Variants in RELT observed in about 807,000 individuals in gnomAD.
The protein encoded by RELT is RELT TNF receptor.
Under a neutral mutation model 51.1 loss-of-function variants are expected in RELT, and 37 were observed. That is an observed-to-expected ratio of 0.72 (90% confidence interval 0.56 to 0.95). The LOEUF is 0.95. Ranked by LOEUF, RELT falls within the 40% of genes least tolerant of loss-of-function variation. RELT has a pLI of 0.00. For synonymous variants in RELT, 241 were observed against 235.7 expected (o/e 1.02, Z -0.21); for missense variants, 535 against 572.6 (o/e 0.93, Z 0.67).
Position 73,394,158 on chromosome 11 carries a change from G to T in RELT, c.707-78G>T. 1.5e-6 allele frequency: 2 copies of T among 1,331,806 alleles called. No homozygotes were observed. Among genetic ancestry groups the T allele is most frequent in the South Asian group, 1.3e-5 (1 of 78,952 alleles). The allele number at this position is 1,331,806 out of a possible 1,614,324, so 82.5% of individuals were successfully genotyped here. A position where few individuals can be genotyped will look rare whatever the true frequency, so the allele number is the denominator to read the frequency against. ...GAGTGGTGGTATGGAGGGTAGGTGG[G>T]GGGTTCTCTGCTGGGGCAGGGGGTG... On this transcript the variant is annotated intron_variant, in intron 7 of 10. Coordinates refer to ENST00000064780, the MANE Select transcript of RELT (RefSeq NM_152222.2). This position sits in a 1 kb window ranked among gnomAD's most constrained non-coding sequence, Gnocchi z 4.9.
In RELT at chr11:73,395,550, G is replaced by C. The variant is rs981371372; in HGVS notation, c.*59G>C. 1.3e-6 allele frequency: 1 copy of C among 780,012 alleles called. No homozygotes were observed. Among genetic ancestry groups the C allele is most frequent in the Admixed American group, 1.7e-5 (1 of 58,996 alleles). 48.3% of individuals were successfully genotyped at this position (780,012 alleles called of 1,614,324 possible). A position where few individuals can be genotyped will look rare whatever the true frequency, so the allele number is the denominator to read the frequency against. Reference sequence around the variant, plus strand: ...CCCTGGGAGGTTCCGAAGGCTTCCTGGAGGAGGTGGAGCTGCAGCTGGGAC... The same window carrying C: ...CCCTGGGAGGTTCCGAAGGCTTCCTCGAGGAGGTGGAGCTGCAGCTGGGAC... On this transcript the variant is annotated 3_prime_UTR_variant, in exon 11 of 11. Coordinates refer to ENST00000064780, the MANE Select transcript of RELT (RefSeq NM_152222.2).
rs763347100 is a variant in RELT at position 73,393,845 on chromosome 11, C to T, written c.634C>T (p.Pro212Ser). The stretch of plus-strand genomic sequence containing the variant: ...GCCCTTCTCTTCCCCAGGAATCAAC[C>T]CTGCCTACCGGACTGAGGATGCCAA... ...GPGGGGSGIN[P>S]AYRTEDANED... Residue 212 changes from proline (P) to serine (S), a missense_variant, in exon 7 of 11, where the codon CCT (proline) becomes TCT (serine). Pro to Ser is a moderately conservative substitution (Grantham distance 74). Transcript: ENST00000064780. The T allele has an allele frequency of 4.3e-6, 7 of 1,614,054 alleles. No homozygotes were observed. The South Asian group carries it at 7.7e-5, about 18-fold the overall frequency.
intron 1 of RELT, chr11:73,376,852 A>C (rs1363886079): frequency 6.6e-6 from 1 of 151,914 alleles, no homozygotes; most frequent in Non-Finnish European, 1.5e-5. Context: ...CGGCCCGGGA[A>C]ACTTGGACCG....
In RELT at chr11:73,393,699, C is replaced by G. The variant is rs771604007; in HGVS notation, c.626-138C>G. Reference sequence around the variant, plus strand: ...GCCTGGATCCCACATTTGCAGGGCTCTGGGAGGCTTGTCACCTAAATGCAC... The same window carrying G: ...GCCTGGATCCCACATTTGCAGGGCTGTGGGAGGCTTGTCACCTAAATGCAC... On this transcript the variant is annotated intron_variant, in intron 6 of 10. Coordinates refer to ENST00000064780, the MANE Select transcript of RELT (RefSeq NM_152222.2). 4.4e-6 allele frequency: 7 copies of G among 1,584,228 alleles called. No homozygotes were observed. In the South Asian group the frequency reaches 7.8e-5, roughly 18 times the overall value.
In RELT at chr11:73,391,225, T is replaced by A; in HGVS notation, c.367+2T>A. ...CTCTGGGTACTCATGGCTGTGATGG[T>A]GAGTGGCAGACTGGGGCTAGGACTG... On this transcript the variant is annotated splice_donor_variant, in intron 5 of 10. Coordinates refer to ENST00000064780, the MANE Select transcript of RELT (RefSeq NM_152222.2). LOFTEE classifies it high-confidence loss of function. 1 of 1,613,414 alleles carries A rather than the reference T, an allele frequency of 6.2e-7. No individual in the cohort carries two copies. The highest frequency in any genetic ancestry group is 2.2e-5 in the East Asian group (1 of 44,856).
chr11:73,385,235 G>T (rs79892955), intron 1 of RELT, among the ~76,000 whole-genome samples: 16,447 of 152,150 alleles, frequency 0.11, 992 homozygotes, highest in African/African-American at 0.14. Context: ...GGGGAGTGGC[G>T]TGGCAGGGCC....
chr11:73,380,487 G>A (rs1324837626), intron 1 of RELT, among the ~76,000 whole-genome samples: 2 of 152,132 alleles, frequency 1.3e-5, no homozygotes, highest in Non-Finnish European at 1.5e-5. Context: ...GCACTCACCC[G>A]GGCCCTCTCC....
At chr11:73,384,996 C>T (rs1242282330) in intron 1 of RELT, among the ~76,000 whole-genome samples, 1 of 150,100 alleles carries the variant, frequency 6.7e-6, no homozygotes. Context: ...AAGCACTCAG[C>T]GTGGCAGGCG....
Position 73,390,615 on chromosome 11 carries a change from AGCCCGACCTGGTGAGCATT to A in RELT, c.115_120+13del, listed in dbSNP as rs1327309914. 1.9e-6 allele frequency: 3 copies of A among 1,613,578 alleles called. No individual in the cohort carries two copies. The highest frequency in any genetic ancestry group is 2.5e-6 in the Non-Finnish European group (3 of 1,179,944). ...CTTTGGCAGTGCCCACCTGGGGAGG[AGCCCGACCTGGTGAGCATT>A]GCCCTGCTCTCCTGCCTGTCCTGGG... is the stretch of plus-strand genomic sequence containing the variant. On this transcript the variant is annotated splice_donor_variant and splice_donor_5th_base_variant and coding_sequence_variant and intron_variant, in exon 3 of 11. Coordinates refer to ENST00000064780, the MANE Select transcript of RELT (RefSeq NM_152222.2). LOFTEE classifies it high-confidence loss of function.
At chr11:73,384,475 G>C (rs1385777006) in intron 1 of RELT, 2 of 152,220 alleles carry the variant, frequency 1.3e-5, no homozygotes, top group East Asian at 3.8e-4. Flanking sequence ...AGTGAAGTGT[G>C]GGGAATGCTT....
At chr11:73,387,325 C>T (rs921379576) in intron 1 of RELT, among the ~76,000 whole-genome samples, 2 of 152,082 alleles carry the variant, frequency 1.3e-5, no homozygotes, top group South Asian at 2.1e-4. Flanking sequence ...ACTTGGGGCT[C>T]GTGGTCAGGT....
Position 73,394,555 on chromosome 11 carries a change from G to T in RELT, c.867G>T (p.Ser289=). 6.2e-6 allele frequency: 10 copies of T among 1,612,000 alleles called. No homozygotes were observed. Among genetic ancestry groups the T allele is most frequent in the Non-Finnish European group, 8.5e-6 (10 of 1,179,954 alleles). Residue 289 remains serine (S), a synonymous_variant, in exon 9 of 11, where the codon TCG becomes TCT. Coordinates refer to ENST00000064780, the MANE Select transcript of RELT (RefSeq NM_152222.2). This position sits in a 1 kb window ranked among gnomAD's most constrained non-coding sequence, Gnocchi z 4.9. ...HHLHTVQGLA[S]LSGPCCSRCS... ...TCCACACCGTGCAGGGCCTGGCCTC[G>T]CTCTCTGGCCCCTGCTGCTCCCGCT...
At position 73,394,215 on chromosome 11, in the gene RELT, T is replaced by C; in HGVS notation, c.707-21T>C. The C allele has an allele frequency of 6.3e-7, 1 of 1,583,136 alleles. No individual in the cohort carries two copies. Among genetic ancestry groups the C allele is most frequent in the Non-Finnish European group, 8.6e-7 (1 of 1,164,802 alleles). ...GTGTCCCATATGGCCACAGTGAGGG[T>C]CTGACTGCAGCTACCCACAGAGAAT... On this transcript the variant is annotated intron_variant, in intron 7 of 10. Coordinates refer to ENST00000064780, the MANE Select transcript of RELT (RefSeq NM_152222.2). This position sits in a 1 kb window ranked among gnomAD's most constrained non-coding sequence, Gnocchi z 4.9.
At chr11:73,387,921 G>C (rs546614654) in intron 1 of RELT, among the ~76,000 whole-genome samples, 1 of 152,218 alleles carries the variant, frequency 6.6e-6, no homozygotes, top group Non-Finnish European at 1.5e-5. Context: ...AAGAGGCTGC[G>C]TGTGGCCTGA....
chr11:73,391,002 C>T, intron 4 of RELT, 81 bp downstream of exon 4: 4 of 1,552,374 alleles, frequency 2.6e-6, no homozygotes, highest in East Asian at 4.5e-5. Flanking sequence ...TTATTGTACC[C>T]TGAGCAGGCC....
rs1866266109 is a variant in RELT at position 73,394,122 on chromosome 11, GC to G, written c.707-111del. The G allele has an allele frequency of 9.2e-7, 1 of 1,082,290 alleles. No homozygotes were observed. The highest frequency in any genetic ancestry group is 1.4e-6 in the Non-Finnish European group (1 of 731,666). The allele number at this position is 1,082,290 out of a possible 1,614,324, so 67.0% of individuals were successfully genotyped here. A position where few individuals can be genotyped will look rare whatever the true frequency, so the allele number is the denominator to read the frequency against. Reference sequence around the variant, plus strand: ...ATGAAGTGGGAGGAAAAGGCGCACAGCCCAGGCTGGGAGTGGTGGTATGGAG... The same window carrying G: ...ATGAAGTGGGAGGAAAAGGCGCACAGCCAGGCTGGGAGTGGTGGTATGGAG... On this transcript the variant is annotated intron_variant, in intron 7 of 10. Coordinates refer to ENST00000064780, the MANE Select transcript of RELT (RefSeq NM_152222.2). This position sits in a 1 kb window ranked among gnomAD's most constrained non-coding sequence, Gnocchi z 4.9.
rs1866211457 is a variant in RELT, at chr11:73,391,283, T to C, written c.367+60T>C. On this transcript the variant is annotated intron_variant, in intron 5 of 10. Coordinates refer to ENST00000064780, the MANE Select transcript of RELT (RefSeq NM_152222.2). The stretch of plus-strand genomic sequence containing the variant: ...GGTATGTGCGGGAGGGGCCAGTGAG[T>C]TGGAGCCCAGCAGCCTCTGCAGTGT... 3 of 1,479,228 alleles carry C rather than the reference T, an allele frequency of 2.0e-6. No homozygotes were observed. The African/African-American group carries it at 4.2e-5, about 21-fold the overall frequency. The allele number at this position is 1,479,228 out of a possible 1,614,324, so 91.6% of individuals were successfully genotyped here.
rs778972775 is a variant in RELT, at chr11:73,394,634, A to C, written c.946A>C (p.Thr316Pro). ...GCTGTCCCCTGAGGCTGTAGCCGCC[A>C]CTACTCCTGTTCCCAGCCTTCTGCC... ...VLLSPEAVAA[T>P]TPVPSLLPNP... Residue 316 changes from threonine (T) to proline (P), a missense_variant, in exon 9 of 11, where the codon ACT (threonine) becomes CCT (proline). By Grantham distance (38) the Thr-to-Pro change is conservative. Transcript: ENST00000064780. This position sits in a 1 kb window ranked among gnomAD's most constrained non-coding sequence, Gnocchi z 4.9. 1 of 1,613,792 alleles carries C rather than the reference A, an allele frequency of 6.2e-7. No individual in the cohort carries two copies. Among genetic ancestry groups the C allele is most frequent in the Non-Finnish European group, 8.5e-7 (1 of 1,180,008 alleles).
rs1230288660 is a variant in RELT at position 73,394,547 on chromosome 11, C to T, written c.859C>T (p.Leu287=). 6.2e-7 allele frequency: 1 copy of T among 1,611,990 alleles called. No individual in the cohort carries two copies. The highest frequency in any genetic ancestry group is 1.7e-5 in the Admixed American group (1 of 60,036). ...HRHHLHTVQG[L]ASLSGPCCSR... is the part of the protein sequence containing the mutation. The stretch of plus-strand genomic sequence containing the variant: ...CCACCATCTCCACACCGTGCAGGGC[C>T]TGGCCTCGCTCTCTGGCCCCTGCTG... Residue 287 remains leucine, a synonymous_variant, in exon 9 of 11, where the codon CTG becomes TTG. Coordinates refer to ENST00000064780, the MANE Select transcript of RELT (RefSeq NM_152222.2). The surrounding 1 kb of genome is among the most constrained non-coding windows in gnomAD (Gnocchi z 4.9).
Sources: allele counts gnomAD v4.1 joint callset (sites outside exome capture counted in the v4.1 genomes callset), GRCh38; gene constraint gnomAD v4.1.1; non-coding constraint Gnocchi (gnomAD v3.1); transcripts MANE v1.5; gene names NCBI Gene and HGNC (gene_info 2026-07-23, HGNC 2026-07-21).